The following SLC16A7 variants were observed in gnomAD, a reference collection of about 807,000 sequenced individuals.
SLC16A7 encodes the protein solute carrier family 16 member 7.
SLC16A7 carries 33 observed loss-of-function variants against 34.9 expected under a neutral mutation model. The observed-to-expected ratio is 0.94, with a 90% CI of 0.72 to 1.26. SLC16A7 has a LOEUF of 1.26. Ranked by LOEUF, SLC16A7 falls within the 50% of genes most tolerant of loss-of-function variation. The probability of loss-of-function intolerance (pLI) is 0.00; values close to 1 mark genes in which losing one functional copy is unlikely to be tolerated. For missense variants in SLC16A7, 573 were observed against 578.1 expected, an observed-to-expected ratio of 0.99 and a Z score of 0.09; for synonymous variants, 201 against 206.6, an observed-to-expected ratio of 0.97 and a Z score of 0.23.
chr12:59,720,474 G>A (rs978615670), intron 3 of SLC16A7, among the ~76,000 whole-genome samples: 1 of 151,910 alleles, frequency 6.6e-6, no homozygotes, highest in South Asian at 2.1e-4. Flanking sequence ...TCCTGTTTCC[G>A]GTATCTCCTT....
intron 2 of SLC16A7, among the ~76,000 whole-genome samples, chr12:59,681,775 T>C (rs529348524): frequency 6.6e-5 from 10 of 152,302 alleles, no homozygotes; most frequent in African/African-American, 2.4e-4. Flanking sequence ...GTCACTGGTT[T>C]CTTTGAGAGG....
intron 2 of SLC16A7, among the ~76,000 whole-genome samples, chr12:59,676,704 CA>C: frequency 6.6e-6 from 1 of 151,640 alleles, no homozygotes; most frequent in East Asian, 1.9e-4. Context: ...AAACAAAATG[CA>C]AAAAATGGAG....
chr12:59,744,235 C>T (rs1259306164), intron 3 of SLC16A7, among the ~76,000 whole-genome samples: 3 of 152,086 alleles, frequency 2.0e-5, no homozygotes, highest in African/African-American at 7.2e-5. Context: ...TTTCCAAAAC[C>T]ACCCATAACC....
intron 1 of SLC16A7, among the ~76,000 whole-genome samples, chr12:59,644,429 T>G (rs1367618278): frequency 6.6e-6 from 1 of 151,980 alleles, no homozygotes; most frequent in Non-Finnish European, 1.5e-5. Flanking sequence ...GAGCCGAACA[T>G]GTTGGCGCAT....
chr12:59,736,497 A>G (rs1452237122), intron 3 of SLC16A7, among the ~76,000 whole-genome samples: 2 of 152,204 alleles, frequency 1.3e-5, no homozygotes, highest in Admixed American at 6.6e-5. Flanking sequence ...TTGGTCAGGC[A>G]TCACTCCAAG....
At chr12:59,600,546 T>C (rs1425685961) in intron 1 of SLC16A7, among the ~76,000 whole-genome samples, 4 of 152,112 alleles carry the variant, frequency 2.6e-5, no homozygotes, top group Admixed American at 2.0e-4. Flanking sequence ...AGTCTACCTA[T>C]GTGAGAGATC....
chr12:59,695,231 G>C (rs1172350182), intron 2 of SLC16A7, among the ~76,000 whole-genome samples: 2 of 151,858 alleles, frequency 1.3e-5, no homozygotes, highest in Non-Finnish European at 2.9e-5. Flanking sequence ...CTTGAAGCCA[G>C]GGAAGTTCTC....
At chr12:59,729,277 A>G (rs1020217964) in intron 3 of SLC16A7, among the ~76,000 whole-genome samples, 2 of 152,222 alleles carry the variant, frequency 1.3e-5, no homozygotes, top group African/African-American at 4.8e-5. Context: ...TATTGGTATT[A>G]TAACTCATCA....
chr12:59,707,773 C>A (rs995563651), intron 3 of SLC16A7, among the ~76,000 whole-genome samples: 5 of 152,006 alleles, frequency 3.3e-5, no homozygotes, highest in Non-Finnish European at 7.4e-5. Flanking sequence ...TAGGTGAGAT[C>A]CAAGTAAGTA....
At chr12:59,652,164 G>A (rs1186013244) in intron 1 of SLC16A7, among the ~76,000 whole-genome samples, 1 of 151,728 alleles carries the variant, frequency 6.6e-6, no homozygotes, top group East Asian at 1.9e-4. Context: ...CTTATTTTTG[G>A]AGGACATTTA....
chr12:59,640,409 G>A (rs1880626914), intron 1 of SLC16A7, among the ~76,000 whole-genome samples: 1 of 150,376 alleles, frequency 6.6e-6, no homozygotes, highest in Admixed American at 6.7e-5. Context: ...TAAATCTTGG[G>A]TTAACTTGAA....
Position 59,712,459 on chromosome 12 carries a change from G to A in SLC16A7, c.217+7441G>A, listed in dbSNP as rs143558502. On this transcript the variant is annotated intron_variant, in intron 3 of 5. Transcript: ENST00000547379. ...ATCCTATATTGAAAAATCCTTCTAT[G>A]TTTAGGGAATTCCCAACATCACCAT... 1.4e-3 allele frequency among the ~76,000 whole-genome samples: 212 copies of A among 152,220 alleles called. 1 individual carries two copies. The highest frequency in any genetic ancestry group is 6.8e-3 in the Middle Eastern group (2 of 294).
At chr12:59,660,577 A>G (rs914052047) in intron 2 of SLC16A7, among the ~76,000 whole-genome samples, 1 of 151,824 alleles carries the variant, frequency 6.6e-6, no homozygotes, top group Non-Finnish European at 1.5e-5. Context: ...ATCCAGGGAT[A>G]GTGGCATGTA....
intron 3 of SLC16A7, among the ~76,000 whole-genome samples, chr12:59,736,639 C>T (rs533807326): frequency 1.6e-4 from 24 of 152,274 alleles, no homozygotes; most frequent in Admixed American, 1.3e-3. Flanking sequence ...CTTTAGGACC[C>T]TATCAAAATA....
chr12:59,643,752 C>T (rs571661298), intron 1 of SLC16A7, among the ~76,000 whole-genome samples: 6 of 152,220 alleles, frequency 3.9e-5, no homozygotes, highest in South Asian at 2.1e-4. Flanking sequence ...AGTCTGAAAA[C>T]GTTGGTCTTC....
chr12:59,609,525 TA>T lies in SLC16A7; in HGVS notation c.-130+13290del, dbSNP rs369609633. 9.7e-4 allele frequency among the ~76,000 whole-genome samples: 128 copies of T among 131,398 alleles called. No homozygotes were observed. In the South Asian group the frequency reaches 0.02, roughly 21 times the overall value. The allele number at this position is 131,398 out of a possible 152,430, so 86.2% of individuals were successfully genotyped here. A position where few individuals can be genotyped will look rare whatever the true frequency, so the allele number is the denominator to read the frequency against. ...ATGTGGGTCGGGGGGCATAGGTAGA[TA>T]GGGGGTTGGAGGGTTGAGGATGGTG... is the stretch of plus-strand genomic sequence containing the variant. On this transcript the variant is annotated intron_variant, in intron 1 of 5. Transcript: ENST00000547379.
At chr12:59,728,320 C>T (rs1332502036) in intron 3 of SLC16A7, among the ~76,000 whole-genome samples, 1 of 152,142 alleles carries the variant, frequency 6.6e-6, no homozygotes, top group Non-Finnish European at 1.5e-5. Flanking sequence ...TCCTGGCATC[C>T]AGTGCATATT....
At chr12:59,687,048 AT>A (rs1400930308) in intron 2 of SLC16A7, among the ~76,000 whole-genome samples, 1 of 152,018 alleles carries the variant, frequency 6.6e-6, no homozygotes, top group Non-Finnish European at 1.5e-5. Context: ...ATAAATATAT[AT>A]AATTTTTACT....
At chr12:59,654,289 CA>C (rs1055328690) in intron 1 of SLC16A7, among the ~76,000 whole-genome samples, 15 of 151,046 alleles carry the variant, frequency 9.9e-5, no homozygotes, top group Non-Finnish European at 1.8e-4. Flanking sequence ...CTATTAATAA[CA>C]ATTATTATAA....
Sources: gnomAD v4.1 joint callset for allele counts (sites outside exome capture counted in the v4.1 genomes callset) on GRCh38, gnomAD v4.1.1 for gene constraint, MANE v1.5 for transcripts, NCBI Gene and HGNC (gene_info 2026-07-23, HGNC 2026-07-21) for gene names.